Variants in FOXP1 observed in about 807,000 individuals in gnomAD.
FOXP1 encodes the protein forkhead box P1, also known as forkhead box protein P1.
In FOXP1, 15 loss-of-function variants were observed where a neutral mutation model predicts 98.2. The ratio of observed to expected loss-of-function variants is 0.15; its 90% CI spans 0.10 to 0.24. The LOEUF (loss-of-function observed/expected upper bound fraction) is 0.24. Among genes scored for constraint, FOXP1 ranks in the 10% least tolerant of loss-of-function variants. The pLI is 1.00. For missense variants in FOXP1, 633 were observed against 848.5 expected (o/e 0.75, Z 3.15); for synonymous variants, 371 against 314.5 (o/e 1.18, Z -1.90).
chr3:71,362,473 A>G (rs965084363), intron 3 of FOXP1, among the ~76,000 whole-genome samples: 1 of 151,956 alleles, frequency 6.6e-6, no homozygotes, highest in African/African-American at 2.4e-5. Context: ...GCCCAGCCCT[A>G]TTATTTACTT....
chr3:71,555,808 T>G (rs1039981479), intron 2 of FOXP1, among the ~76,000 whole-genome samples: 4 of 152,168 alleles, frequency 2.6e-5, no homozygotes, highest in African/African-American at 9.7e-5. Context: ...TATTTAATAA[T>G]TCTAGAACTG....
chr3:71,153,105 C>A (rs2060652137), intron 6 of FOXP1, among the ~76,000 whole-genome samples: 1 of 152,176 alleles, frequency 6.6e-6, no homozygotes, highest in Admixed American at 6.5e-5. Flanking sequence ...ATAAGCACAT[C>A]CTGCTTTCTG....
chr3:71,467,966 C>A (rs902551151), intron 3 of FOXP1, among the ~76,000 whole-genome samples: 3 of 152,154 alleles, frequency 2.0e-5, no homozygotes, highest in African/African-American at 7.2e-5. Context: ...TCATGATCTA[C>A]CAAAACTCTT....
At chr3:71,440,147 T>C (rs745492145) in intron 3 of FOXP1, among the ~76,000 whole-genome samples, 36 of 152,148 alleles carry the variant, frequency 2.4e-4, no homozygotes, top group African/African-American at 5.8e-4. Context: ...GTTTCAGTTA[T>C]GCAAGATGAG....
At chr3:71,340,868 T>G (rs2076970164) in intron 4 of FOXP1, among the ~76,000 whole-genome samples, 1 of 152,202 alleles carries the variant, frequency 6.6e-6, no homozygotes, top group Admixed American at 6.5e-5. Context: ...TCTTAAACAC[T>G]AAAGCTGAAT....
chr3:71,131,924 C>T (rs914607811), intron 6 of FOXP1, among the ~76,000 whole-genome samples: 1 of 152,192 alleles, frequency 6.6e-6, no homozygotes, highest in Non-Finnish European at 1.5e-5. Context: ...TGCCTCATCT[C>T]CCTTCTGAGT....
At chr3:71,250,325 A>G (rs2068082257) in intron 5 of FOXP1, among the ~76,000 whole-genome samples, 1 of 152,230 alleles carries the variant, frequency 6.6e-6, no homozygotes, top group Non-Finnish European at 1.5e-5. Flanking sequence ...GACAACGGAA[A>G]TGTTCTATGC....
At chr3:71,229,028 T>C (rs886522235) in intron 5 of FOXP1, among the ~76,000 whole-genome samples, 11 of 151,576 alleles carry the variant, frequency 7.3e-5, no homozygotes, top group Non-Finnish European at 1.6e-4. Context: ...CAGACCTGTA[T>C]TTTATAAAGG....
intron 3 of FOXP1, among the ~76,000 whole-genome samples, chr3:71,381,199 G>A (rs1397534998): frequency 1.3e-5 from 2 of 148,190 alleles, no homozygotes; most frequent in African/African-American, 2.5e-5. Flanking sequence ...CGCCCAGGCT[G>A]GAGTTCAGTG....
intron 7 of FOXP1, among the ~76,000 whole-genome samples, chr3:71,109,612 G>A (rs2057743286): frequency 1.3e-5 from 2 of 152,140 alleles, no homozygotes; most frequent in South Asian, 2.1e-4. Flanking sequence ...GAGCCACTCC[G>A]GCGGAGACGC....
intron 2 of FOXP1, chr3:71,573,945 G>C (rs2047535478): frequency 6.6e-6 from 1 of 152,128 alleles, no homozygotes; most frequent in South Asian, 2.1e-4. Flanking sequence ...AAACAAGGCG[G>C]AATGACTTCG....
chr3:71,298,807 G>T (rs1375505059), intron 5 of FOXP1, among the ~76,000 whole-genome samples: 1 of 152,046 alleles, frequency 6.6e-6, no homozygotes, highest in Non-Finnish European at 1.5e-5. Flanking sequence ...ACTGATCAAA[G>T]ATTCTTCACA....
chr3:70,981,479 G>A (rs1345134204), intron 14 of FOXP1, among the ~76,000 whole-genome samples: 1 of 152,202 alleles, frequency 6.6e-6, no homozygotes, highest in Non-Finnish European at 1.5e-5. Context: ...CTCTAATTAG[G>A]AGACGCGGAT....
At chr3:71,020,827 C>T (rs867018321) in intron 11 of FOXP1, among the ~76,000 whole-genome samples, 15 of 151,994 alleles carry the variant, frequency 9.9e-5, no homozygotes, top group Non-Finnish European at 1.6e-4. Flanking sequence ...CCTTGTTTTC[C>T]TCCTCTCCAA....
At chr3:70,982,753 T>TTAAAGATGATGAGTCA (rs1173690039) in intron 14 of FOXP1, among the ~76,000 whole-genome samples, 1 of 152,036 alleles carries the variant, frequency 6.6e-6, no homozygotes, top group Non-Finnish European at 1.5e-5. Context: ...CCCCTCCTGT[T>TTAAAGATGATGAGTCA]TAAAGATGAT....
At chr3:71,025,619 T>C (rs993326745) in intron 11 of FOXP1, among the ~76,000 whole-genome samples, 1 of 152,242 alleles carries the variant, frequency 6.6e-6, no homozygotes, top group Non-Finnish European at 1.5e-5. Context: ...GCTGTATTTC[T>C]TTTTTGTTTT....
At chr3:71,242,343 T>A (rs1260633612) in intron 5 of FOXP1, among the ~76,000 whole-genome samples, 2 of 152,184 alleles carry the variant, frequency 1.3e-5, no homozygotes, top group Non-Finnish European at 2.9e-5. Flanking sequence ...GCTGATGCCC[T>A]GATAACATAT....
chr3:71,079,252 CT>C (rs1389838331), intron 7 of FOXP1, among the ~76,000 whole-genome samples: 1 of 152,168 alleles, frequency 6.6e-6, no homozygotes, highest in Non-Finnish European at 1.5e-5. Flanking sequence ...TTCTTTGCCC[CT>C]GCCCCCCACC....
At chr3:71,029,400 T>A (rs192106925) in intron 11 of FOXP1, among the ~76,000 whole-genome samples, 24 of 152,146 alleles carry the variant, frequency 1.6e-4, no homozygotes, top group African/African-American at 5.1e-4. Context: ...CTTTTTTTTT[T>A]ATTTTTTTGA....
Sources: allele counts gnomAD v4.1 joint callset (sites outside exome capture counted in the v4.1 genomes callset), GRCh38; gene constraint gnomAD v4.1.1; transcripts MANE v1.5; gene names NCBI Gene and HGNC (gene_info 2026-07-23, HGNC 2026-07-21).